The following SPAG16 variants were observed in gnomAD, a reference collection of about 807,000 sequenced individuals.
SPAG16 encodes the protein sperm associated antigen 16, also known as sperm-associated antigen 16 protein.
SPAG16 carries 86 observed loss-of-function variants against 80.4 expected under a neutral mutation model. The ratio of observed to expected loss-of-function variants is 1.07; its 90% CI spans 0.90 to 1.28. SPAG16 has a LOEUF of 1.28. Among genes scored for constraint, SPAG16 ranks in the 50% most tolerant of loss-of-function variants. SPAG16 has a pLI of 0.00. For missense variants in SPAG16, 870 were observed against 765.3 expected (o/e 1.14, Z -1.61); for synonymous variants, 294 against 265.9 (o/e 1.11, Z -1.03).
At chr2:214,323,105 G>A (rs1027570928) in intron 15 of SPAG16, among the ~76,000 whole-genome samples, 2 of 152,126 alleles carry the variant, frequency 1.3e-5, no homozygotes, top group Non-Finnish European at 2.9e-5. Flanking sequence ...TTTGCTGAAA[G>A]GTACCTATCC....
chr2:213,845,712 C>T (rs2074589913), intron 10 of SPAG16, among the ~76,000 whole-genome samples: 1 of 152,160 alleles, frequency 6.6e-6, no homozygotes, highest in Non-Finnish European at 1.5e-5. Flanking sequence ...CAGTGGCACA[C>T]AATAGTAAGG....
intron 15 of SPAG16, among the ~76,000 whole-genome samples, chr2:214,219,690 A>C (rs569412661): frequency 8.5e-5 from 13 of 152,252 alleles, no homozygotes; most frequent in Admixed American, 5.2e-4. Context: ...ATACATCACA[A>C]TATTTTATTC....
chr2:213,368,989 C>T (rs145672543), intron 8 of SPAG16, among the ~76,000 whole-genome samples: 82 of 152,130 alleles, frequency 5.4e-4, no homozygotes, highest in African/African-American at 1.5e-3. Context: ...CCATACTGCG[C>T]GAGAAAATCT....
At chr2:214,240,894 CTTT>C (rs1007285639) in intron 15 of SPAG16, 2 of 152,082 alleles carry the variant, frequency 1.3e-5, no homozygotes, top group Admixed American at 1.3e-4. Context: ...TGATGGACTA[CTTT>C]TATTTGGCAA....
intron 10 of SPAG16, among the ~76,000 whole-genome samples, chr2:213,772,765 A>C (rs2069330632): frequency 6.6e-6 from 1 of 152,154 alleles, no homozygotes; most frequent in African/African-American, 2.4e-5. Context: ...AAGCCTATGC[A>C]TTTTGGTTAG....
At position 213,907,705 on chromosome 2, in the gene SPAG16, C is replaced by T. The variant is rs551100161; in HGVS notation, c.1215-22255C>T. Among the ~76,000 whole-genome samples, 9 of 152,116 alleles carry T rather than the reference C, an allele frequency of 5.9e-5. No homozygotes were observed. The South Asian group carries it at 1.7e-3, about 28-fold the overall frequency. The stretch of plus-strand genomic sequence containing the variant: ...ATTCAGCCATAAAAAAGAATGAAAT[C>T]CTATTATTCACAGCAACATGTATGA... On this transcript the variant is annotated intron_variant, in intron 11 of 15. Transcript: ENST00000331683.
At chr2:214,389,283 A>G (rs1231589194) in intron 15 of SPAG16, among the ~76,000 whole-genome samples, 2 of 152,210 alleles carry the variant, frequency 1.3e-5, no homozygotes, top group Admixed American at 6.5e-5. Flanking sequence ...TAGGAAAAAA[A>G]TGTTTTTCAA....
At chr2:214,195,723 A>G (rs2057817127) in intron 15 of SPAG16, among the ~76,000 whole-genome samples, 1 of 152,014 alleles carries the variant, frequency 6.6e-6, no homozygotes. Context: ...TCAGGAGGGA[A>G]ATCAGCAGTT....
intron 12 of SPAG16, among the ~76,000 whole-genome samples, chr2:213,962,776 C>T (rs750208133): frequency 1.3e-5 from 2 of 152,182 alleles, no homozygotes; most frequent in Non-Finnish European, 2.9e-5. Context: ...CTTCTAGAGT[C>T]AGTTTCAGAG....
chr2:213,324,592 C>T (rs2063764825), intron 5 of SPAG16, among the ~76,000 whole-genome samples: 1 of 152,086 alleles, frequency 6.6e-6, no homozygotes, highest in Admixed American at 6.5e-5. Flanking sequence ...TAATTTGTTC[C>T]TCTTTATTGC....
At chr2:214,085,295 C>T (rs1248451067) in intron 13 of SPAG16, among the ~76,000 whole-genome samples, 5 of 151,224 alleles carry the variant, frequency 3.3e-5, no homozygotes, top group Admixed American at 6.6e-5. Context: ...TCACTTGAAC[C>T]CAGGAGACGG....
At chr2:213,994,277 C>T (rs192303422) in intron 12 of SPAG16, among the ~76,000 whole-genome samples, 238 of 151,492 alleles carry the variant, frequency 1.6e-3, no homozygotes, top group African/African-American at 5.5e-3. Flanking sequence ...ATAGTAATGA[C>T]GAGGGACACA....
intron 12 of SPAG16, among the ~76,000 whole-genome samples, chr2:213,942,013 G>A (rs751988175): frequency 6.6e-6 from 1 of 152,078 alleles, no homozygotes; most frequent in African/African-American, 2.4e-5. Context: ...GATGCCAGTG[G>A]TATTAATAAT....
chr2:213,319,040 G>A (rs1389849477), intron 5 of SPAG16, among the ~76,000 whole-genome samples: 1 of 151,908 alleles, frequency 6.6e-6, no homozygotes, highest in Non-Finnish European at 1.5e-5. Flanking sequence ...ATTCTGACAA[G>A]GAATGTGTGA....
chr2:213,933,915 T>A (rs924837428), intron 12 of SPAG16, among the ~76,000 whole-genome samples: 2 of 152,224 alleles, frequency 1.3e-5, no homozygotes, highest in African/African-American at 4.8e-5. Context: ...TATGAGCCTA[T>A]CCTTAAATCC....
intron 3 of SPAG16, among the ~76,000 whole-genome samples, chr2:213,298,623 C>T (rs539041594): frequency 2.0e-5 from 3 of 152,200 alleles, no homozygotes; most frequent in Non-Finnish European, 4.4e-5. Flanking sequence ...TTGCTTCCTT[C>T]TGCTATCATG....
chr2:213,644,345 C>G (rs966162446), intron 10 of SPAG16, among the ~76,000 whole-genome samples: 1 of 151,818 alleles, frequency 6.6e-6, no homozygotes, highest in Non-Finnish European at 1.5e-5. Flanking sequence ...GGATTGGTTC[C>G]TGGTGACTTA....
intron 15 of SPAG16, among the ~76,000 whole-genome samples, chr2:214,200,669 A>G (rs923230993): frequency 1.3e-5 from 2 of 152,192 alleles, no homozygotes; most frequent in South Asian, 2.1e-4. Context: ...CAAGATCCCC[A>G]TCTCAAACAA....
chr2:213,950,706 T>C (rs10182760), intron 12 of SPAG16, among the ~76,000 whole-genome samples: 8,350 of 82,232 alleles, frequency 0.1, 251 homozygotes, highest in Non-Finnish European at 0.12. Flanking sequence ...TTCTTTCTTT[T>C]TTTTTTTTTT....
Sources: allele counts gnomAD v4.1 joint callset (sites outside exome capture counted in the v4.1 genomes callset), GRCh38; gene constraint gnomAD v4.1.1; transcripts MANE v1.5; gene names NCBI Gene and HGNC (gene_info 2026-07-23, HGNC 2026-07-21).